The following NSFL1C variants were observed in gnomAD, a reference collection of about 807,000 sequenced individuals.
NSFL1C encodes NSFL1 cofactor, also known as NSFL1 cofactor p47.
Under a neutral mutation model 43.1 loss-of-function variants are expected in NSFL1C, and 14 were observed. The observed-to-expected ratio is 0.32, with a 90% CI of 0.21 to 0.51. The LOEUF is 0.51. Among genes scored for constraint, NSFL1C ranks in the 20% least tolerant of loss-of-function variants. The probability of loss-of-function intolerance (pLI) is 0.98; values close to 1 mark genes in which losing one functional copy is unlikely to be tolerated. For synonymous variants in NSFL1C, 171 were observed against 183.5 expected, an observed-to-expected ratio of 0.93 and a Z score of 0.55; for missense variants, 406 against 472.5, an observed-to-expected ratio of 0.86 and a Z score of 1.30.
intron 7 of NSFL1C, among the ~76,000 whole-genome samples, chr20:1,450,519 T>C (rs751274032): frequency 6.6e-6 from 1 of 152,198 alleles, no homozygotes; most frequent in Non-Finnish European, 1.5e-5. Flanking sequence ...GATATTTTAA[T>C]TTTCTGAGAT....
intron 7 of NSFL1C, 107 bp downstream of exon 7, chr20:1,452,386 T>C (rs1599948385): frequency 2.1e-6 from 3 of 1,413,866 alleles, no homozygotes; most frequent in Non-Finnish European, 2.9e-6. Flanking sequence ...TTTGAAGTAT[T>C]TTGTAAACAG....
chr20:1,462,357 C>T (rs1157822142), intron 2 of NSFL1C, among the ~76,000 whole-genome samples: 2 of 152,098 alleles, frequency 1.3e-5, no homozygotes, highest in Non-Finnish European at 1.5e-5. Flanking sequence ...ACACTGCGCC[C>T]TCCTCCCTCC....
intron 2 of NSFL1C, among the ~76,000 whole-genome samples, chr20:1,463,696 C>G (rs1278121180): frequency 6.6e-6 from 1 of 152,196 alleles, no homozygotes; most frequent in Admixed American, 6.5e-5. Flanking sequence ...TGCTTACACA[C>G]TCTCTGTAAA....
intron 4 of NSFL1C, among the ~76,000 whole-genome samples, 161 bp downstream of exon 4, chr20:1,454,806 C>T (rs1318171181): frequency 6.6e-6 from 1 of 152,172 alleles, no homozygotes; most frequent in Non-Finnish European, 1.5e-5. Context: ...ATCTTGGTTT[C>T]ACGTTAAAGG....
In NSFL1C at chr20:1,446,421, G is replaced by A. The variant is rs772153970; in HGVS notation, c.786-591C>T. ...TGAGGGCAGGGGAGAGAGTTCTAAA[G>A]GGCACTGAAAAGCCAATTAAGTGCT... On this transcript the variant is annotated intron_variant, in intron 7 of 8. Coordinates refer to ENST00000216879, the MANE Select transcript of NSFL1C (RefSeq NM_016143.5). Among the ~76,000 whole-genome samples, 17 of 152,224 alleles carry A rather than the reference G, an allele frequency of 1.1e-4. No homozygotes were observed. In the South Asian group the frequency reaches 2.7e-3, roughly 24 times the overall value.
chr20:1,451,644 A>G (rs953741814), intron 7 of NSFL1C, among the ~76,000 whole-genome samples: 2 of 152,154 alleles, frequency 1.3e-5, no homozygotes, highest in Admixed American at 6.5e-5. Context: ...TCTGAAGAAC[A>G]CTCATCAGGT....
chr20:1,455,704 C>T, intron 3 of NSFL1C: 1 of 779,688 alleles, frequency 1.3e-6, no homozygotes, highest in Non-Finnish European at 2.4e-6. Context: ...GGACCACATG[C>T]CCTACCTACC....
At chr20:1,463,857 T>C (rs2090459618) in intron 2 of NSFL1C, 1 of 155,088 alleles carries the variant, frequency 6.4e-6, no homozygotes, top group Non-Finnish European at 1.4e-5. Flanking sequence ...AACACTGTTT[T>C]ACCTAGTAAG....
intron 7 of NSFL1C, among the ~76,000 whole-genome samples, chr20:1,448,976 T>C (rs1442739216): frequency 6.6e-6 from 1 of 152,002 alleles, no homozygotes; most frequent in Non-Finnish European, 1.5e-5. Context: ...CTTGAGAAAA[T>C]AGCTAAAAAC....
intron 7 of NSFL1C, among the ~76,000 whole-genome samples, chr20:1,450,672 C>T (rs2090164540): frequency 6.6e-6 from 1 of 152,116 alleles, no homozygotes; most frequent in Non-Finnish European, 1.5e-5. Context: ...AAAATATAGC[C>T]TTTTTGAAGG....
In NSFL1C at chr20:1,465,593, T is replaced by C. The variant is rs773851047; in HGVS notation, c.105+1127A>G. Among the ~76,000 whole-genome samples the C allele has an allele frequency of 5.3e-5, 8 of 152,250 alleles. 1 individual carries two copies. Among genetic ancestry groups the C allele is most frequent in the East Asian group, 1.9e-4 (1 of 5,200 alleles). On this transcript the variant is annotated intron_variant, in intron 1 of 8. Coordinates refer to ENST00000216879, the MANE Select transcript of NSFL1C (RefSeq NM_016143.5). ...CTTATGTTTGGGGAGTAATTTACGT[T>C]TGGCAGCAGACTCAGTTCAAATTCC...
At chr20:1,466,681 TC>T (rs1457038717) in intron 1 of NSFL1C, 38 bp downstream of exon 1, 2 of 1,516,512 alleles carry the variant, frequency 1.3e-6, no homozygotes, top group East Asian at 2.6e-5. Context: ...CTCCCAGCAG[TC>T]CCCGGCCCAC....
At position 1,442,462 on chromosome 20, in the gene NSFL1C, G is replaced by C. The variant is rs1387134326; in HGVS notation, c.*1287C>G. On this transcript the variant is annotated 3_prime_UTR_variant, in exon 9 of 9. Coordinates refer to ENST00000216879, the MANE Select transcript of NSFL1C (RefSeq NM_016143.5). ...AAAGAGAAAGAGACTGGTGAGGCCT[G>C]CTTGGAAAGAGGATTGAGGCACATT... 6.6e-6 allele frequency: 1 copy of C among 152,258 alleles called. No individual in the cohort carries two copies. Among genetic ancestry groups the C allele is most frequent in the African/African-American group, 2.4e-5 (1 of 41,456 alleles). 9.4% of individuals were successfully genotyped at this position (152,258 alleles called of 1,614,324 possible).
rs369158786 is a variant in NSFL1C, at chr20:1,455,031, T to C, written c.380A>G (p.Lys127Arg). 14 of 1,614,046 alleles carry C rather than the reference T, an allele frequency of 8.7e-6. No individual in the cohort carries two copies. The highest frequency in any genetic ancestry group is 2.2e-5 in the East Asian group (1 of 44,888). Residue 127 changes from lysine to arginine, a missense_variant, in exon 4 of 9, where the codon AAA becomes AGA. This residue lies in a region of NSFL1C where 203 missense variants were observed against 216.3 expected (regional missense o/e 0.94). Transcript: ENST00000216879. ...CTCCACAGCTACAGCTCCATGCTCTTTGGCACCTTTAAAGAGATCATCCAC... is the reference window on the plus strand; with the variant it reads ...CTCCACAGCTACAGCTCCATGCTCTCTGGCACCTTTAAAGAGATCATCCAC... ...ELVDDLFKGAKEHGAVAVERV... is the reference protein window; with the variant it reads ...ELVDDLFKGAREHGAVAVERV...
chr20:1,465,556 C>T (rs2090492687), intron 1 of NSFL1C, among the ~76,000 whole-genome samples: 3 of 152,180 alleles, frequency 2.0e-5, no homozygotes, highest in Non-Finnish European at 2.9e-5. Flanking sequence ...AGGTGTGATG[C>T]TTTACCGAAT....
Position 1,466,766 on chromosome 20 carries a change from T to G in NSFL1C, c.59A>C (p.Glu20Ala). The change falls in exon 1 of 9, where the codon GAG becomes GCG. Residue 20 changes from glutamate to alanine, a missense_variant. This residue lies in a region of NSFL1C where 203 missense variants were observed against 216.3 expected (regional missense o/e 0.94). Coordinates refer to ENST00000216879, the MANE Select transcript of NSFL1C (RefSeq NM_016143.5). ...CTCGAGAAAGAAGCGGGCCCGGTCC[T>G]CCTCGGCGCCCGTCACCGCCACGAA... ...REFVAVTGAE[E>A]DRARFFLESA... 3 of 1,562,842 alleles carry G rather than the reference T, an allele frequency of 1.9e-6. No homozygotes were observed. The South Asian group carries it at 3.5e-5, about 18-fold the overall frequency.
chr20:1,459,364 C>T (rs1272128424), intron 2 of NSFL1C, among the ~76,000 whole-genome samples: 1 of 152,180 alleles, frequency 6.6e-6, no homozygotes, highest in Admixed American at 6.5e-5. Context: ...TGCTTGCTTC[C>T]CCTTCGCCTT....
rs551575701 is a variant in NSFL1C, at chr20:1,453,145, G to C, written c.538-5C>G. On this transcript the variant is annotated splice_polypyrimidine_tract_variant and splice_region_variant and intron_variant, in intron 5 of 8. Transcript: ENST00000216879. The stretch of plus-strand genomic sequence containing the variant: ...GAGTTTCAATACTACATGAACCTGT[G>C]ATGACAGGGAGTAAACAGTTACCAG... 3.3e-6 allele frequency: 5 copies of C among 1,510,124 alleles called. No homozygotes were observed. In the Admixed American group the frequency reaches 6.7e-5, roughly 20 times the overall value. 93.5% of individuals were successfully genotyped at this position (1,510,124 alleles called of 1,614,324 possible). A position where few individuals can be genotyped will look rare whatever the true frequency, so the allele number is the denominator to read the frequency against.
chr20:1,443,836 A>G lies in NSFL1C; in HGVS notation c.1026T>C (p.Thr342=). ...MAATSFILMT[T]FPNKELADES... Reference sequence around the variant, plus strand: ...CATCAGCCAGCTCTTTGTTCGGGAAAGTAGTCATGAGGATAAAGCTGGTGG... The same window carrying G: ...CATCAGCCAGCTCTTTGTTCGGGAAGGTAGTCATGAGGATAAAGCTGGTGG... Residue 342 remains threonine (T), a synonymous_variant, in exon 9 of 9, where the codon ACT becomes ACC. Transcript: ENST00000216879. The G allele has an allele frequency of 6.2e-7, 1 of 1,614,072 alleles. No homozygotes were observed. Among genetic ancestry groups the G allele is most frequent in the South Asian group, 1.1e-5 (1 of 91,058 alleles).
Sources: gnomAD v4.1 joint callset for allele counts (sites outside exome capture counted in the v4.1 genomes callset) on GRCh38, gnomAD v4.1.1 for gene constraint, gnomAD v4.1.1 regional missense constraint, MANE v1.5 for transcripts, NCBI Gene and HGNC (gene_info 2026-07-23, HGNC 2026-07-21) for gene names.